The following CNTNAP2 variants were observed in gnomAD, a reference collection of about 807,000 sequenced individuals.
The protein encoded by CNTNAP2 is contactin-associated protein-like 2.
A neutral mutation model predicts 155.2 loss-of-function variants in CNTNAP2; 98 were observed. The observed-to-expected ratio is 0.63, with a 90% CI of 0.54 to 0.75. The LOEUF is 0.75. CNTNAP2 is among the 30% of genes least tolerant of loss of function. The pLI is 0.00. For synonymous variants in CNTNAP2, 651 were observed against 631.2 expected (o/e 1.03, Z -0.47); for missense variants, 1,727 against 1,688.1 (o/e 1.02, Z -0.40).
intron 15 of CNTNAP2, among the ~76,000 whole-genome samples, chr7:148,088,200 C>T (rs1803772043): frequency 6.6e-6 from 1 of 151,996 alleles, no homozygotes; most frequent in Non-Finnish European, 1.5e-5. Flanking sequence ...TTAGTATAAA[C>T]TATGACCTTC....
chr7:146,274,432 G>A (rs975377644), intron 1 of CNTNAP2, among the ~76,000 whole-genome samples: 1 of 152,166 alleles, frequency 6.6e-6, no homozygotes, highest in Admixed American at 6.5e-5. Context: ...CTAAAAGGAA[G>A]GCATCTGTTT....
chr7:148,373,138 A>G (rs1432679800), intron 21 of CNTNAP2, among the ~76,000 whole-genome samples: 1 of 152,098 alleles, frequency 6.6e-6, no homozygotes, highest in Non-Finnish European at 1.5e-5. Context: ...GCTGTTGTAC[A>G]ATTACCCTTT....
intron 3 of CNTNAP2, among the ~76,000 whole-genome samples, chr7:146,918,789 A>G (rs371421733): frequency 7.2e-5 from 11 of 152,242 alleles, no homozygotes; most frequent in African/African-American, 2.2e-4. Flanking sequence ...AAACTTTTAG[A>G]TTTCTCTTCT....
chr7:147,365,864 G>T (rs1796221994), intron 9 of CNTNAP2, among the ~76,000 whole-genome samples: 1 of 152,070 alleles, frequency 6.6e-6, no homozygotes. Context: ...ATTTTTGTTT[G>T]TCTGGAAATA....
chr7:148,002,216 C>T (rs576149978), intron 15 of CNTNAP2, among the ~76,000 whole-genome samples: 52 of 152,178 alleles, frequency 3.4e-4, no homozygotes, highest in Middle Eastern at 3.4e-3. Context: ...TCATTTCTCC[C>T]ATCCACCCTC....
chr7:146,580,287 T>C (rs1055009626), intron 1 of CNTNAP2, among the ~76,000 whole-genome samples: 2 of 152,134 alleles, frequency 1.3e-5, no homozygotes, highest in African/African-American at 4.8e-5. Flanking sequence ...GACTTGTTTG[T>C]TTTTTATTGA....
chr7:147,264,244 T>A (rs79979092), intron 8 of CNTNAP2, among the ~76,000 whole-genome samples: 1 of 152,194 alleles, frequency 6.6e-6, no homozygotes, highest in African/African-American at 2.4e-5. Flanking sequence ...TGTTGTGATA[T>A]GAGTCTCTCA....
At chr7:147,574,321 G>A (rs562115110) in intron 12 of CNTNAP2, among the ~76,000 whole-genome samples, 13 of 151,584 alleles carry the variant, frequency 8.6e-5, no homozygotes, top group African/African-American at 2.7e-4. Flanking sequence ...CCTCATATTC[G>A]TGATTATTAT....
chr7:147,995,749 G>A (rs955464831), intron 15 of CNTNAP2, among the ~76,000 whole-genome samples: 5 of 152,002 alleles, frequency 3.3e-5, no homozygotes, highest in African/African-American at 4.8e-5. Flanking sequence ...TCCTGACCTC[G>A]TGATCTGCCC....
At chr7:147,752,412 T>C (rs1420879064) in intron 13 of CNTNAP2, among the ~76,000 whole-genome samples, 2 of 151,904 alleles carry the variant, frequency 1.3e-5, no homozygotes, top group Non-Finnish European at 2.9e-5. Context: ...GACGAACGAG[T>C]TGAATAGTGA....
chr7:148,403,379 C>G (rs920521510), intron 22 of CNTNAP2, among the ~76,000 whole-genome samples: 3 of 152,018 alleles, frequency 2.0e-5, no homozygotes, highest in Non-Finnish European at 4.4e-5. Context: ...GGAATGGCAC[C>G]ATGCTTTGGT....
intron 17 of CNTNAP2, among the ~76,000 whole-genome samples, chr7:148,160,453 T>C (rs551976642): frequency 6.6e-6 from 1 of 152,000 alleles, no homozygotes; most frequent in South Asian, 2.1e-4. Context: ...AACAAACTAC[T>C]ATGCTAGCCT....
chr7:147,950,982 C>G (rs1208336338), intron 14 of CNTNAP2, among the ~76,000 whole-genome samples: 1 of 152,248 alleles, frequency 6.6e-6, no homozygotes, highest in East Asian at 1.9e-4. Context: ...AGGTGCTCCT[C>G]TTCATCCAAC....
intron 1 of CNTNAP2, among the ~76,000 whole-genome samples, chr7:146,318,101 A>G (rs1368121502): frequency 6.6e-6 from 1 of 151,750 alleles, no homozygotes; most frequent in Non-Finnish European, 1.5e-5. Context: ...AGATCGCACC[A>G]CTGCACTCCA....
Position 146,205,200 on chromosome 7 carries a change from C to T in CNTNAP2, c.97+88227C>T, listed in dbSNP as rs181976272. Among the ~76,000 whole-genome samples the T allele has an allele frequency of 1.2e-4, 18 of 152,042 alleles. No homozygotes were observed. In the East Asian group the frequency reaches 3.1e-3, roughly 26 times the overall value. On this transcript the variant is annotated intron_variant, in intron 1 of 23. Transcript: ENST00000361727. Reference sequence around the variant, plus strand: ...CAGCATAAGTTTCTCCCTACCATCACATTTATTATTGTTTAATTAAACAGA... The same window carrying T: ...CAGCATAAGTTTCTCCCTACCATCATATTTATTATTGTTTAATTAAACAGA...
chr7:147,187,401 G>A (rs1229929592), intron 8 of CNTNAP2, among the ~76,000 whole-genome samples: 2 of 152,014 alleles, frequency 1.3e-5, no homozygotes, highest in Admixed American at 6.6e-5. Context: ...AGAAAATATG[G>A]TCACAAATAC....
chr7:147,789,943 T>C (rs955436545), intron 13 of CNTNAP2, among the ~76,000 whole-genome samples: 10 of 152,234 alleles, frequency 6.6e-5, no homozygotes, highest in Non-Finnish European at 1.5e-4. Flanking sequence ...TGAGCCACTA[T>C]TGGCTTCCTT....
intron 1 of CNTNAP2, among the ~76,000 whole-genome samples, chr7:146,146,056 C>T (rs969046005): frequency 2.6e-5 from 4 of 152,082 alleles, no homozygotes; most frequent in Non-Finnish European, 4.4e-5. Flanking sequence ...TATTGTTCAG[C>T]TCAGATATCA....
At chr7:147,595,376 T>C (rs1374402469) in intron 12 of CNTNAP2, among the ~76,000 whole-genome samples, 6 of 152,228 alleles carry the variant, frequency 3.9e-5, no homozygotes, top group African/African-American at 1.4e-4. Context: ...GATGCCTTAT[T>C]TTCCAATCTC....
Sources: gnomAD v4.1 joint callset for allele counts (sites outside exome capture counted in the v4.1 genomes callset) on GRCh38, gnomAD v4.1.1 for gene constraint, MANE v1.5 for transcripts, NCBI Gene and HGNC (gene_info 2026-07-23, HGNC 2026-07-21) for gene names.